The following HDAC2 variants were observed in gnomAD, a reference collection of about 807,000 sequenced individuals.
The protein encoded by HDAC2 is histone deacetylase 2.
HDAC2 carries 5 observed loss-of-function variants against 68.5 expected under a neutral mutation model. That is an observed-to-expected ratio of 0.07 (90% CI 0.04 to 0.15). The LOEUF is 0.15. HDAC2 is among the 10% of genes least tolerant of loss of function. HDAC2 has a pLI of 1.00. For synonymous variants in HDAC2, 182 were observed against 191.3 expected (o/e 0.95, Z 0.40); for missense variants, 291 against 600.8 (o/e 0.48, Z 5.39).
chr6:113,969,838 A>G (rs943857583), intron 1 of HDAC2: 16 of 152,214 alleles, frequency 1.1e-4, no homozygotes, highest in Admixed American at 1.0e-3. Flanking sequence ...CCCACTTCTC[A>G]AAGTTTTCCC....
intron 1 of HDAC2, among the ~76,000 whole-genome samples, chr6:113,964,919 T>C (rs1443812549): frequency 1.3e-5 from 2 of 152,218 alleles, no homozygotes; most frequent in African/African-American, 4.8e-5. Context: ...TCCAACTCCA[T>C]TTCTAATCCA....
At chr6:113,966,366 A>G (rs1409217733) in intron 1 of HDAC2, among the ~76,000 whole-genome samples, 1 of 152,084 alleles carries the variant, frequency 6.6e-6, no homozygotes, top group Non-Finnish European at 1.5e-5. Flanking sequence ...CCTGGCCAAC[A>G]TGGTAAAACC....
rs551468623 is a variant in HDAC2 at position 113,944,663 on chromosome 6, T to C, written c.1092-253A>G. On this transcript the variant is annotated intron_variant, in intron 10 of 13. Coordinates refer to ENST00000519065, the MANE Select transcript of HDAC2 (RefSeq NM_001527.4). ...AGTGTATGCCACCATGCCCGGCTAA[T>C]TTTTAAATTTTTTGCAGACAAGGTC... is the stretch of plus-strand genomic sequence containing the variant. 3.3e-5 allele frequency among the ~76,000 whole-genome samples: 5 copies of C among 152,234 alleles called. No individual in the cohort carries two copies. In the East Asian group the frequency reaches 9.7e-4, roughly 29 times the overall value.
At position 113,953,260 on chromosome 6, in the gene HDAC2, A is replaced by G; in HGVS notation, c.639+17T>C. The G allele has an allele frequency of 6.3e-7, 1 of 1,589,146 alleles. No individual in the cohort carries two copies. The highest frequency in any genetic ancestry group is 8.6e-7 in the Non-Finnish European group (1 of 1,162,830). On this transcript the variant is annotated intron_variant, in intron 6 of 13. Transcript: ENST00000519065. ...GGTTCATCTCACAATATTTTTTCAG[A>G]CAGAATTTAGTCTTACCCTCAAGTC...
chr6:113,948,773 T>C (rs932700124), intron 8 of HDAC2: 6 of 483,058 alleles, frequency 1.2e-5, no homozygotes, highest in Non-Finnish European at 1.8e-5. Flanking sequence ...CTTAAAAAAC[T>C]AGTCTTGTAT....
At chr6:113,967,909 G>A (rs906481843) in intron 1 of HDAC2, among the ~76,000 whole-genome samples, 17 of 152,214 alleles carry the variant, frequency 1.1e-4, no homozygotes, top group Non-Finnish European at 2.1e-4. Flanking sequence ...AATAGCTACA[G>A]TCAGAGAAGT....
intron 1 of HDAC2, among the ~76,000 whole-genome samples, chr6:113,966,348 G>C (rs147803849): frequency 0.054 from 8,210 of 152,050 alleles, 312 homozygotes; most frequent in Middle Eastern, 0.11. Context: ...TCAGGAGTTC[G>C]AGACCAGCCT....
chr6:113,953,350 T>C lies in HDAC2; in HGVS notation c.566A>G (p.Tyr189Cys). 1 of 1,590,350 alleles carries C rather than the reference T, an allele frequency of 6.3e-7. No individual in the cohort carries two copies. The highest frequency in any genetic ancestry group is 1.1e-5 in the South Asian group (1 of 90,586). ...HHGDGVEEAFYTTDRVMTVSF... is the reference protein window; with the variant it reads ...HHGDGVEEAFCTTDRVMTVSF... Reference sequence around the variant, plus strand: ...TACCGTCATTACACGATCTGTTGTATAAAAAGCTTCTTCAACACCATCACC... The same window carrying C: ...TACCGTCATTACACGATCTGTTGTACAAAAAGCTTCTTCAACACCATCACC... The change falls in exon 6 of 14, where the codon TAT (tyrosine) becomes TGT (cysteine). Residue 189 changes from tyrosine to cysteine, a missense_variant. Coordinates refer to ENST00000519065, the MANE Select transcript of HDAC2 (RefSeq NM_001527.4).
At chr6:113,945,178 T>C (rs1776239518) in intron 10 of HDAC2, among the ~76,000 whole-genome samples, 184 bp downstream of exon 10, 1 of 135,092 alleles carries the variant, frequency 7.4e-6, no homozygotes, top group Non-Finnish European at 1.6e-5. Context: ...TATCCCATCC[T>C]GACAAAAAAA....
intron 6 of HDAC2, among the ~76,000 whole-genome samples, chr6:113,950,559 A>T (rs745795064): frequency 1.3e-3 from 190 of 151,136 alleles, no homozygotes; most frequent in Non-Finnish European, 1.8e-3. Context: ...CACCCAGCTA[A>T]TTTTTTTTGC....
chr6:113,970,734 T>A lies in HDAC2; in HGVS notation c.52+123A>T, dbSNP rs113501104. 469 of 1,415,006 alleles carry A rather than the reference T, an allele frequency of 3.3e-4. 4 individuals carry two copies. The African/African-American group carries it at 6.3e-3, about 19-fold the overall frequency. The allele number at this position is 1,415,006 out of a possible 1,614,324, so 87.7% of individuals were successfully genotyped here. On this transcript the variant is annotated intron_variant, in intron 1 of 13. Coordinates refer to ENST00000519065, the MANE Select transcript of HDAC2 (RefSeq NM_001527.4). ...GTGCCGGGCCGGGAACGGGTTAAGA[T>A]GCGGCCAAATGTCGGTCCCTCCTCC...
In HDAC2 at chr6:113,944,291, T is replaced by C. The variant is rs192805602; in HGVS notation, c.1211A>G (p.Lys404Arg). The change falls in exon 11 of 14, where the codon AAG (lysine) becomes AGG (arginine). Residue 404 changes from lysine to arginine, a missense_variant. Physicochemically the swap from Lys to Arg is conservative, Grantham distance 26. Around this residue, in one of 2 missense-constraint regions of HDAC2, gnomAD observed 137 missense variants for 128.7 expected, o/e 1.06. Transcript: ENST00000519065. The stretch of plus-strand genomic sequence containing the variant: ...AGGCATTATCTTACTAGAAATTCTC[T>C]TGTCTGGATCTTCTCCATCTTCATC... ...SGDEDGEDPD[K>R]RISIRASDKR... The C allele has an allele frequency of 6.2e-7, 1 of 1,612,106 alleles. No individual in the cohort carries two copies. Among genetic ancestry groups the C allele is most frequent in the Non-Finnish European group, 8.5e-7 (1 of 1,178,426 alleles).
rs903784239 is a variant in HDAC2 at position 113,959,853 on chromosome 6, T to TA, written c.165+52dup. On this transcript the variant is annotated intron_variant, in intron 2 of 13. Coordinates refer to ENST00000519065, the MANE Select transcript of HDAC2 (RefSeq NM_001527.4). The stretch of plus-strand genomic sequence containing the variant: ...ATAATAGACAAAGTTTCACAGTAGC[T>TA]AAAAAAAAATAAAAAAGATCAGTGC... The TA allele has an allele frequency of 8.4e-4, 629 of 752,148 alleles. 1 individual carries two copies. Among genetic ancestry groups the TA allele is most frequent in the South Asian group, 1.0e-3 (62 of 60,410 alleles). The allele number at this position is 752,148 out of a possible 1,614,324, so 46.6% of individuals were successfully genotyped here.
chr6:113,948,697 T>C (rs1776323732), intron 8 of HDAC2: 1 of 322,554 alleles, frequency 3.1e-6, no homozygotes. Context: ...AAAGTATGCA[T>C]GTTTTATTTA....
chr6:113,963,332 C>T (rs1776735337), intron 1 of HDAC2, among the ~76,000 whole-genome samples: 1 of 152,112 alleles, frequency 6.6e-6, no homozygotes, highest in Admixed American at 6.5e-5. Context: ...GATCTGCCCG[C>T]CTCAGCCTCC....
intron 11 of HDAC2, 128 bp from the exon 12 acceptor site, chr6:113,943,634 G>T: frequency 1.8e-6 from 1 of 553,624 alleles, no homozygotes; most frequent in Non-Finnish European, 2.8e-6. Flanking sequence ...CATGCCTAAT[G>T]ATTTTAAAAT....
In HDAC2 at chr6:113,939,595, C is replaced by T. The variant is rs1167573454; in HGVS notation, c.*1463G>A. ...GTCATAAAGGTTTACAGATTGATAA[C>T]AAATATGTAGCAAAAGTACAAAAAC... On this transcript the variant is annotated 3_prime_UTR_variant, in exon 14 of 14. Coordinates refer to ENST00000519065, the MANE Select transcript of HDAC2 (RefSeq NM_001527.4). 1 of 151,946 alleles carries T rather than the reference C, an allele frequency of 6.6e-6. No homozygotes were observed. The highest frequency in any genetic ancestry group is 2.4e-5 in the African/African-American group (1 of 41,370). The allele number at this position is 151,946 out of a possible 1,614,324, so 9.4% of individuals were successfully genotyped here.
chr6:113,963,125 C>A (rs1399886498), intron 1 of HDAC2, among the ~76,000 whole-genome samples: 1 of 151,590 alleles, frequency 6.6e-6, no homozygotes, highest in Non-Finnish European at 1.5e-5. Context: ...CTCTTGTCAC[C>A]CAGGCTGGAG....
chr6:113,952,375 T>C (rs1776440811), intron 6 of HDAC2, among the ~76,000 whole-genome samples: 1 of 152,236 alleles, frequency 6.6e-6, no homozygotes, highest in African/African-American at 2.4e-5. Flanking sequence ...AAGGTAACTC[T>C]TTTACTCAAA....
Sources: allele counts gnomAD v4.1 joint callset (sites outside exome capture counted in the v4.1 genomes callset), GRCh38; gene constraint gnomAD v4.1.1; regional missense constraint gnomAD v4.1.1; transcripts MANE v1.5; gene names NCBI Gene and HGNC (gene_info 2026-07-23, HGNC 2026-07-21).